SRP72: variants seen among roughly 807,000 people sequenced by gnomAD.
SRP72 encodes the protein signal recognition particle 72.
Under a neutral mutation model 96.3 loss-of-function variants are expected in SRP72, and 49 were observed. That is an observed-to-expected ratio of 0.51 (90% CI 0.40 to 0.65). The LOEUF is 0.65. Among genes scored for constraint, SRP72 ranks in the 30% least tolerant of loss-of-function variants. The pLI is 0.00. For synonymous variants in SRP72, 267 were observed against 275.2 expected (o/e 0.97, Z 0.30); for missense variants, 736 against 793.3 (o/e 0.93, Z 0.87).
At chr4:56,486,857 A>C (rs1226951852) in intron 11 of SRP72, among the ~76,000 whole-genome samples, 3 of 152,200 alleles carry the variant, frequency 2.0e-5, no homozygotes, top group South Asian at 2.1e-4. Flanking sequence ...GAATTTAACG[A>C]GAACTGATGT....
chr4:56,475,704 T>G (rs1290068851), intron 5 of SRP72: 1 of 152,180 alleles, frequency 6.6e-6, no homozygotes, highest in East Asian at 1.9e-4. Context: ...TGAAGAACAT[T>G]CTCATACATT....
chr4:56,500,271 C>T (rs1325327105), intron 17 of SRP72, among the ~76,000 whole-genome samples: 2 of 151,954 alleles, frequency 1.3e-5, no homozygotes, highest in African/African-American at 4.8e-5. Context: ...ATGTAGATGA[C>T]GGGTTGATGG....
intron 16 of SRP72, among the ~76,000 whole-genome samples, chr4:56,493,021 A>T (rs887657443): frequency 2.0e-5 from 3 of 152,010 alleles, no homozygotes; most frequent in African/African-American, 7.2e-5. Context: ...TTTTTAAATA[A>T]TCTTTGTTTC....
chr4:56,474,692 C>T lies in SRP72; in HGVS notation c.610+301C>T, dbSNP rs138870607. Among the ~76,000 whole-genome samples, 86 of 152,008 alleles carry T rather than the reference C, an allele frequency of 5.7e-4. 3 individuals are homozygous for T. The East Asian group carries it at 0.013, about 23-fold the overall frequency. On this transcript the variant is annotated intron_variant, in intron 5 of 18. Transcript: ENST00000642900. ...CCGAGTAGCTGGGATTATAGGTGCGCGTCACCACACCCAGCTAATTTTTGT... is the reference window on the plus strand; with the variant it reads ...CCGAGTAGCTGGGATTATAGGTGCGTGTCACCACACCCAGCTAATTTTTGT...
At chr4:56,493,467 A>G (rs1720977930) in intron 16 of SRP72, among the ~76,000 whole-genome samples, 1 of 152,176 alleles carries the variant, frequency 6.6e-6, no homozygotes, top group African/African-American at 2.4e-5. Context: ...GTATTTTGTT[A>G]TACTAACTTG....
intron 2 of SRP72, among the ~76,000 whole-genome samples, chr4:56,471,337 A>G (rs1719965685): frequency 6.6e-6 from 1 of 152,218 alleles, no homozygotes; most frequent in Admixed American, 6.5e-5. Context: ...AACAAGTTTA[A>G]AGAAATATGG....
rs767923663 is a variant in SRP72 at position 56,474,268 on chromosome 4, G to C, written c.499-12G>C. The C allele has an allele frequency of 6.2e-7, 1 of 1,613,516 alleles. No homozygotes were observed. Among genetic ancestry groups the C allele is most frequent in the Non-Finnish European group, 8.5e-7 (1 of 1,179,816 alleles). On this transcript the variant is annotated splice_polypyrimidine_tract_variant and intron_variant, in intron 4 of 18. Coordinates refer to ENST00000642900, the MANE Select transcript of SRP72 (RefSeq NM_006947.4). ...ATATTTAGTATTTAACTGGTATTTT[G>C]TCCCCTGACAGGAGAACCTGGGCCT...
chr4:56,476,119 C>G (rs1051923969), intron 5 of SRP72: 4 of 153,886 alleles, frequency 2.6e-5, no homozygotes, highest in African/African-American at 9.7e-5. Flanking sequence ...TGCAGCTGTG[C>G]ATTTACATAA....
chr4:56,491,040 T>C (rs1361044153), intron 15 of SRP72, among the ~76,000 whole-genome samples: 20 of 152,244 alleles, frequency 1.3e-4, no homozygotes, highest in Admixed American at 1.2e-3. Context: ...GGTGCCCTTA[T>C]TGAGCTTGGA....
intron 17 of SRP72, among the ~76,000 whole-genome samples, chr4:56,499,908 A>G (rs1421010371): frequency 6.6e-6 from 1 of 152,222 alleles, no homozygotes; most frequent in African/African-American, 2.4e-5. Flanking sequence ...ATAAAGACAC[A>G]TGCACACTTA....
intron 16 of SRP72, among the ~76,000 whole-genome samples, chr4:56,492,654 A>G (rs1321781253): frequency 2.0e-5 from 3 of 152,236 alleles, no homozygotes; most frequent in Admixed American, 2.0e-4. Context: ...TGTTGTTCTC[A>G]TAATAACTTC....
At chr4:56,500,760 T>A in intron 18 of SRP72, 65 bp downstream of exon 18, 1 of 1,438,992 alleles carries the variant, frequency 6.9e-7, no homozygotes, top group Non-Finnish European at 9.3e-7. Context: ...GACTCAAGGC[T>A]ATTAGTGAGA....
rs1578192179 is a variant in SRP72 at position 56,490,219 on chromosome 4, A to G, written c.1321-114A>G. ...TTGTTTCAGGCATTCAGTGAAACTT[A>G]AGATGAGGGATCTAATGCATAGGTG... On this transcript the variant is annotated intron_variant, in intron 13 of 18. Coordinates refer to ENST00000642900, the MANE Select transcript of SRP72 (RefSeq NM_006947.4). The G allele has an allele frequency of 5.3e-6, 4 of 748,476 alleles. No homozygotes were observed. The East Asian group carries it at 1.1e-4, about 20-fold the overall frequency. The allele number at this position is 748,476 out of a possible 1,614,324, so 46.4% of individuals were successfully genotyped here.
intron 8 of SRP72, among the ~76,000 whole-genome samples, chr4:56,479,311 C>T (rs944607851): frequency 6.6e-5 from 10 of 152,034 alleles, no homozygotes; most frequent in African/African-American, 1.2e-4. Flanking sequence ...TCCCAAGTAG[C>T]TGGGACTACA....
intron 5 of SRP72, 113 bp downstream of exon 5, chr4:56,474,504 A>C: frequency 1.1e-6 from 1 of 902,022 alleles, no homozygotes; most frequent in Non-Finnish European, 1.7e-6. Context: ...TTATTGATGC[A>C]GTGACAATTT....
chr4:56,501,747 A>G lies in SRP72; in HGVS notation c.1902A>G (p.Val634=). ...TSPRPGSAAT[V]SASTSNIIPP... ...CAAGACCTGGCAGTGCTGCAACAGT[A>G]TCTGCCTCTACAAGTAACATCATAC... The change falls in exon 19 of 19, where the codon GTA becomes GTG. Residue 634 remains valine (V), a synonymous_variant. Coordinates refer to ENST00000642900, the MANE Select transcript of SRP72 (RefSeq NM_006947.4). 6.2e-7 allele frequency: 1 copy of G among 1,614,152 alleles called. No homozygotes were observed. The highest frequency in any genetic ancestry group is 1.3e-5 in the African/African-American group (1 of 75,050).
rs149201336 is a variant in SRP72 at position 56,492,767 on chromosome 4, T to G, written c.1640+1199T>G. On this transcript the variant is annotated intron_variant, in intron 16 of 18. Transcript: ENST00000642900. ...TCAGTCTGGGTTCTTAAATGGATTT[T>G]CAATTAAAGTATGTTTACTATTTTT... 2.0e-5 allele frequency among the ~76,000 whole-genome samples: 3 copies of G among 152,254 alleles called. No individual in the cohort carries two copies. In the East Asian group the frequency reaches 5.8e-4, roughly 29 times the overall value.
chr4:56,501,984 TTG>T lies in SRP72; in HGVS notation c.*127_*128del, dbSNP rs886059498. ...TTCATCTCCATATTTTCATAATTTCTTGTGTTTCAAATAGGGAAACATCTTCC... is the reference window on the plus strand; with the variant it reads ...TTCATCTCCATATTTTCATAATTTCTTGTTTCAAATAGGGAAACATCTTCC... On this transcript the variant is annotated 3_prime_UTR_variant, in exon 19 of 19. Coordinates refer to ENST00000642900, the MANE Select transcript of SRP72 (RefSeq NM_006947.4). 161 of 1,085,442 alleles carry T rather than the reference TTG, an allele frequency of 1.5e-4. No individual in the cohort carries two copies. In the East Asian group the frequency reaches 3.7e-3, roughly 25 times the overall value. The allele number at this position is 1,085,442 out of a possible 1,614,324, so 67.2% of individuals were successfully genotyped here.
At chr4:56,499,781 T>G (rs1721195135) in intron 17 of SRP72, among the ~76,000 whole-genome samples, 2 of 152,196 alleles carry the variant, frequency 1.3e-5, no homozygotes, top group African/African-American at 4.8e-5. Context: ...TGTAAATTAG[T>G]TTAGCCATTG....
Sources: allele counts gnomAD v4.1 joint callset (sites outside exome capture counted in the v4.1 genomes callset), GRCh38; gene constraint gnomAD v4.1.1; transcripts MANE v1.5; gene names NCBI Gene and HGNC (gene_info 2026-07-23, HGNC 2026-07-21).